Variants in RAB11FIP4 observed in about 807,000 individuals in gnomAD.
RAB11FIP4 encodes the protein rab11 family-interacting protein 4.
In RAB11FIP4, 23 loss-of-function variants were observed where a neutral mutation model predicts 74.3. The ratio of observed to expected loss-of-function variants is 0.31; its 90% CI spans 0.22 to 0.44. The LOEUF (loss-of-function observed/expected upper bound fraction) is 0.44, where lower values mean the gene tolerates loss of function less well. Among genes scored for constraint, RAB11FIP4 ranks in the 20% least tolerant of loss-of-function variants. The pLI is 1.00. For missense variants in RAB11FIP4, 630 were observed against 863.9 expected, an observed-to-expected ratio of 0.73 and a Z score of 3.39; for synonymous variants, 360 against 359.9, an observed-to-expected ratio of 1.00 and a Z score of 0.00.
chr17:31,503,497 G>A (rs2072259795), intron 3 of RAB11FIP4, among the ~76,000 whole-genome samples: 1 of 149,912 alleles, frequency 6.7e-6, no homozygotes, highest in African/African-American at 2.5e-5. Context: ...GAAGAGGAGG[G>A]TGGGCAAAGC....
intron 1 of RAB11FIP4, among the ~76,000 whole-genome samples, chr17:31,411,321 A>G (rs1004974946): frequency 6.6e-6 from 1 of 152,164 alleles, no homozygotes; most frequent in Non-Finnish European, 1.5e-5. Flanking sequence ...CCAAGATCGC[A>G]CCACTTCACT....
rs1299277993 is a variant in RAB11FIP4, at chr17:31,537,625, C to T, written c.*5893C>T. On this transcript the variant is annotated 3_prime_UTR_variant, in exon 15 of 15. Coordinates refer to ENST00000621161, the MANE Select transcript of RAB11FIP4 (RefSeq NM_032932.6). ...CCAGAGGAAGCCCTGTCCATGGTTC[C>T]TGGTGCACGGCCACAGGCCTGCCTT... 2 of 158,656 alleles carry T rather than the reference C, an allele frequency of 1.3e-5. No homozygotes were observed. The highest frequency in any genetic ancestry group is 2.4e-5 in the African/African-American group (1 of 41,748). The allele number at this position is 158,656 out of a possible 1,614,324, so 9.8% of individuals were successfully genotyped here. A position where few individuals can be genotyped will look rare whatever the true frequency, so the allele number is the denominator to read the frequency against.
intron 5 of RAB11FIP4, 52 bp from the exon 6 acceptor site, chr17:31,521,863 G>A: frequency 6.2e-7 from 1 of 1,608,808 alleles, no homozygotes; most frequent in South Asian, 1.1e-5. Context: ...GTGGTGTAGG[G>A]CACCAGACTG....
chr17:31,467,922 C>T (rs2071700994), intron 3 of RAB11FIP4, among the ~76,000 whole-genome samples: 2 of 152,226 alleles, frequency 1.3e-5, no homozygotes, highest in South Asian at 4.1e-4. Context: ...GCCCTTGAGG[C>T]CCAGCCTGCC....
At chr17:31,445,529 A>ATT (rs777882371) in intron 3 of RAB11FIP4, among the ~76,000 whole-genome samples, 3 of 90,714 alleles carry the variant, frequency 3.3e-5, no homozygotes, top group East Asian at 3.4e-4. Flanking sequence ...AATTTTCCCA[A>ATT]TTTTATATAT....
chr17:31,463,802 A>AATTTTT (rs2071655772), intron 3 of RAB11FIP4, among the ~76,000 whole-genome samples: 1 of 14,212 alleles, frequency 7.0e-5, no homozygotes, highest in Non-Finnish European at 2.0e-4. Flanking sequence ...CTGCGCCTGG[A>AATTTTT]CTTTTTTTTT....
At chr17:31,487,668 G>A (rs1483853169) in intron 3 of RAB11FIP4, among the ~76,000 whole-genome samples, 1 of 152,210 alleles carries the variant, frequency 6.6e-6, no homozygotes, top group East Asian at 1.9e-4. Flanking sequence ...GTGAGCCGGG[G>A]AGCGCCGGCC....
intron 1 of RAB11FIP4, among the ~76,000 whole-genome samples, chr17:31,401,535 G>A (rs2070985618): frequency 6.6e-6 from 1 of 152,220 alleles, no homozygotes; most frequent in Admixed American, 6.5e-5. Flanking sequence ...CCAGCTGTAA[G>A]GACCTCTGGC....
Position 31,521,300 on chromosome 17 carries a change from G to A in RAB11FIP4, c.698G>A (p.Cys233Tyr), listed in dbSNP as rs975779689. The A allele has an allele frequency of 5.6e-6, 9 of 1,613,896 alleles. No homozygotes were observed. In the Admixed American group the frequency reaches 1.5e-4, roughly 27 times the overall value. ...DDVDCAPSSP[C>Y]PDDETRTNVY... The stretch of plus-strand genomic sequence containing the variant: ...GTGGACTGTGCCCCCAGCAGCCCTT[G>A]CCCCGATGATGAGACCAGGACCAAC... Residue 233 changes from cysteine (C) to tyrosine (Y), a missense_variant, in exon 5 of 15, where the codon TGC becomes TAC. Physicochemically the swap from Cys to Tyr is radical, Grantham distance 194. Coordinates refer to ENST00000621161, the MANE Select transcript of RAB11FIP4 (RefSeq NM_032932.6).
intron 3 of RAB11FIP4, chr17:31,487,958 C>G: frequency 2.1e-5 from 14 of 665,868 alleles, no homozygotes; most frequent in Non-Finnish European, 2.4e-5. Flanking sequence ...TCCCTGTCCT[C>G]CGCCCCCGCC....
chr17:31,447,593 G>C (rs1012134559), intron 3 of RAB11FIP4, among the ~76,000 whole-genome samples: 18 of 152,058 alleles, frequency 1.2e-4, no homozygotes, highest in African/African-American at 4.3e-4. Context: ...TACGATCTTG[G>C]CTCACTGCAA....
intron 3 of RAB11FIP4, among the ~76,000 whole-genome samples, chr17:31,482,846 T>C (rs767105173): frequency 3.4e-4 from 52 of 152,174 alleles, no homozygotes; most frequent in Admixed American, 1.5e-3. Context: ...TGTGGTAAAG[T>C]CCTAGCCAGC....
chr17:31,479,483 G>A (rs2071826065), intron 3 of RAB11FIP4, among the ~76,000 whole-genome samples: 1 of 152,204 alleles, frequency 6.6e-6, no homozygotes, highest in African/African-American at 2.4e-5. Context: ...CATGTTAGGA[G>A]CTTAAGTCCA....
In RAB11FIP4 at chr17:31,523,590, C is replaced by G; in HGVS notation, c.1008C>G (p.Cys336Trp). 1.2e-6 allele frequency: 2 copies of G among 1,613,966 alleles called. No individual in the cohort carries two copies. Among genetic ancestry groups the G allele is most frequent in the Non-Finnish European group, 1.7e-6 (2 of 1,179,868 alleles). Reference protein sequence around the residue: ...EDLFRDSIDSCDNDITEKVSF... With the variant: ...EDLFRDSIDSWDNDITEKVSF... ...TGTTCCGGGACAGCATTGACTCTTG[C>G]GACAATGACATCACAGAGAAGGTGG... is the stretch of plus-strand genomic sequence containing the variant. Residue 336 changes from cysteine to tryptophan, a missense_variant, in exon 8 of 15, where the codon TGC becomes TGG. Transcript: ENST00000621161.
At chr17:31,410,741 C>T (rs2071086313) in intron 1 of RAB11FIP4, among the ~76,000 whole-genome samples, 1 of 152,132 alleles carries the variant, frequency 6.6e-6, no homozygotes, top group Non-Finnish European at 1.5e-5. Context: ...GGAATATTCC[C>T]ACTGCCACCA....
At chr17:31,483,037 A>G (rs1488584520) in intron 3 of RAB11FIP4, among the ~76,000 whole-genome samples, 1 of 151,936 alleles carries the variant, frequency 6.6e-6, no homozygotes, top group Non-Finnish European at 1.5e-5. Flanking sequence ...TACTAAAAAT[A>G]CAAAAATTAG....
In RAB11FIP4 at chr17:31,532,552, G is replaced by C. The variant is rs959440518; in HGVS notation, c.*820G>C. The C allele has an allele frequency of 6.6e-6, 1 of 152,592 alleles. No individual in the cohort carries two copies. Among genetic ancestry groups the C allele is most frequent in the African/African-American group, 2.4e-5 (1 of 41,456 alleles). 9.5% of individuals were successfully genotyped at this position (152,592 alleles called of 1,614,324 possible). Reference sequence around the variant, plus strand: ...GGGTTTGGGATGGGTGTCTAAGGCAGGAGTTGACATCGGGCAACCAAAGAA... The same window carrying C: ...GGGTTTGGGATGGGTGTCTAAGGCACGAGTTGACATCGGGCAACCAAAGAA... On this transcript the variant is annotated 3_prime_UTR_variant, in exon 15 of 15. Coordinates refer to ENST00000621161, the MANE Select transcript of RAB11FIP4 (RefSeq NM_032932.6).
At chr17:31,440,213 TAG>T (rs1200404039) in intron 3 of RAB11FIP4, among the ~76,000 whole-genome samples, 1 of 152,176 alleles carries the variant, frequency 6.6e-6, no homozygotes, top group African/African-American at 2.4e-5. Context: ...TTGGTGGGAG[TAG>T]AGATCTGGCA....
In RAB11FIP4 at chr17:31,527,896, C is replaced by G. The variant is rs763351155; in HGVS notation, c.1329C>G (p.Leu443=). The change falls in exon 11 of 15, where the codon CTC becomes CTG. Residue 443 remains leucine (L), a synonymous_variant. Coordinates refer to ENST00000621161, the MANE Select transcript of RAB11FIP4 (RefSeq NM_032932.6). ...NTELRTTVTR[L]KSQTEKLDEE... Reference sequence around the variant, plus strand: ...AGCTTAGAACAACAGTGACTCGGCTCAAGTCTCAAACAGAGAAACTGGATG... The same window carrying G: ...AGCTTAGAACAACAGTGACTCGGCTGAAGTCTCAAACAGAGAAACTGGATG... 6.2e-7 allele frequency: 1 copy of G among 1,604,434 alleles called. No individual in the cohort carries two copies. Among genetic ancestry groups the G allele is most frequent in the Non-Finnish European group, 8.5e-7 (1 of 1,175,798 alleles).
Sources: allele counts gnomAD v4.1 joint callset (sites outside exome capture counted in the v4.1 genomes callset), GRCh38; gene constraint gnomAD v4.1.1; transcripts MANE v1.5; gene names NCBI Gene and HGNC (gene_info 2026-07-23, HGNC 2026-07-21).